Variants in ANKRD28 observed in about 807,000 individuals in gnomAD.
The protein encoded by ANKRD28 is ankyrin repeat domain 28.
Under a neutral mutation model 126.5 loss-of-function variants are expected in ANKRD28, and 44 were observed. The observed-to-expected ratio is 0.35, with a 90% CI of 0.27 to 0.45. The LOEUF is 0.45. Among genes scored for constraint, ANKRD28 ranks in the 20% least tolerant of loss-of-function variants. ANKRD28 has a pLI of 1.00. For missense variants in ANKRD28, 1,110 were observed against 1,316.6 expected (o/e 0.84, Z 2.43); for synonymous variants, 442 against 468.5 (o/e 0.94, Z 0.73).
rs1238829125 is a variant in ANKRD28, at chr3:15,817,737, G to A, written c.28-22431C>T. Among the ~76,000 whole-genome samples, 1 of 152,138 alleles carries A rather than the reference G, an allele frequency of 6.6e-6. No homozygotes were observed. Among genetic ancestry groups the A allele is most frequent in the Non-Finnish European group, 1.5e-5 (1 of 68,020 alleles). ...AGATGAGATACAAGCAAGAATGCCT[G>A]CTCTTAATCACTCTTACTTAATATC... On this transcript the variant is annotated intron_variant, in intron 1 of 27. Transcript: ENST00000399451. This position sits in a 1 kb window ranked among gnomAD's most constrained non-coding sequence, Gnocchi z 4.5.
At chr3:15,710,442 C>T (rs183524133) in intron 12 of ANKRD28, among the ~76,000 whole-genome samples, 20 of 152,228 alleles carry the variant, frequency 1.3e-4, no homozygotes, top group Non-Finnish European at 1.3e-4. Context: ...GGTTCTCTGG[C>T]GACCTTGGAA....
chr3:15,709,325 T>C (rs1575299561), intron 13 of ANKRD28, among the ~76,000 whole-genome samples: 1 of 152,178 alleles, frequency 6.6e-6, no homozygotes, highest in East Asian at 1.9e-4. Flanking sequence ...AACTGTATCA[T>C]TATTTTCTAG....
Position 15,670,173 on chromosome 3 carries a change from C to G in ANKRD28, c.*97G>C, listed in dbSNP as rs2066205074. 7.3e-7 allele frequency: 1 copy of G among 1,365,420 alleles called. No individual in the cohort carries two copies. The highest frequency in any genetic ancestry group is 1.5e-5 in the African/African-American group (1 of 68,926). The allele number at this position is 1,365,420 out of a possible 1,614,324, so 84.6% of individuals were successfully genotyped here. On this transcript the variant is annotated 3_prime_UTR_variant, in exon 28 of 28. Coordinates refer to ENST00000683139, the MANE Select transcript of ANKRD28 (RefSeq NM_001349278.2). Reference sequence around the variant, plus strand: ...ACATTGGCTCACTGTGGGATCTTTCCTCTTAGGTTGAATTTCTACGTGAAT... The same window carrying G: ...ACATTGGCTCACTGTGGGATCTTTCGTCTTAGGTTGAATTTCTACGTGAAT...
At chr3:15,677,080 T>C (rs377593632) in intron 25 of ANKRD28, 24 bp from the exon 26 acceptor site, 3 of 1,592,366 alleles carry the variant, frequency 1.9e-6, no homozygotes, top group Admixed American at 1.7e-5. Flanking sequence ...AGATAAGTTA[T>C]AAAAACTTGA....
intron 8 of ANKRD28, among the ~76,000 whole-genome samples, chr3:15,720,387 C>T (rs2124904440): frequency 1.3e-5 from 2 of 152,208 alleles, no homozygotes; most frequent in Middle Eastern, 6.8e-3. Flanking sequence ...TTCATCTATC[C>T]TTCCATCCAC....
chr3:15,846,496 G>C lies in ANKRD28; in HGVS notation c.27+12881C>G, dbSNP rs188493070. Among the ~76,000 whole-genome samples the C allele has an allele frequency of 6.6e-6, 1 of 152,330 alleles. No homozygotes were observed. Among genetic ancestry groups the C allele is most frequent in the East Asian group, 1.9e-4 (1 of 5,188 alleles). On this transcript the variant is annotated intron_variant, in intron 1 of 27. Transcript: ENST00000399451. The surrounding 1 kb of genome is among the most constrained non-coding windows in gnomAD (Gnocchi z 5.4). ...ACAAACACAATATATACAGGGTCTG[G>C]AAGTCAACAGCTGAAAGCTTACCTA...
chr3:15,806,855 T>A (rs2060593713), intron 1 of ANKRD28, among the ~76,000 whole-genome samples: 1 of 152,144 alleles, frequency 6.6e-6, no homozygotes, highest in Non-Finnish European at 1.5e-5. Flanking sequence ...TCCACCAGTG[T>A]CTACTTTCTA....
intron 12 of ANKRD28, 100 bp downstream of exon 12, chr3:15,711,111 T>G (rs919192452): frequency 5.8e-6 from 6 of 1,041,754 alleles, no homozygotes; most frequent in Non-Finnish European, 8.3e-6. Context: ...TGTTTTCTAT[T>G]TTCTGGCAGC....
chr3:15,771,516 G>A (rs554529251), intron 2 of ANKRD28, among the ~76,000 whole-genome samples: 2 of 152,186 alleles, frequency 1.3e-5, no homozygotes, highest in South Asian at 2.1e-4. Flanking sequence ...GTCACAAGGT[G>A]AAGAGAGTGA....
At chr3:15,856,053 A>G (rs539100448) in intron 1 of ANKRD28, among the ~76,000 whole-genome samples, 1 of 152,340 alleles carries the variant, frequency 6.6e-6, no homozygotes, top group Non-Finnish European at 1.5e-5. Context: ...CTAAACCAGC[A>G]GTTATAAACT....
intron 3 of ANKRD28, among the ~76,000 whole-genome samples, chr3:15,752,757 G>A (rs2057933730): frequency 6.6e-6 from 1 of 152,132 alleles, no homozygotes; most frequent in Admixed American, 6.5e-5. Context: ...AACTATAACA[G>A]AAACAAAGCT....
chr3:15,696,366 A>G (rs2069553757), intron 14 of ANKRD28, 121 bp from the exon 15 acceptor site: 1 of 598,276 alleles, frequency 1.7e-6, no homozygotes, highest in Non-Finnish European at 2.9e-6. Flanking sequence ...AAAAATCATA[A>G]ATGTATTACA....
chr3:15,774,857 G>A (rs1460697454), intron 2 of ANKRD28, among the ~76,000 whole-genome samples: 1 of 152,128 alleles, frequency 6.6e-6, no homozygotes, highest in Non-Finnish European at 1.5e-5. Flanking sequence ...AAGAAAAGTA[G>A]GCAGGAGATT....
At chr3:15,719,844 A>C (rs1020747841) in intron 8 of ANKRD28, among the ~76,000 whole-genome samples, 6 of 151,934 alleles carry the variant, frequency 3.9e-5, no homozygotes, top group Admixed American at 2.6e-4. Flanking sequence ...CGTGAGCCAG[A>C]CTGTATCCGG....
chr3:15,751,882 C>A, intron 3 of ANKRD28, 62 bp from the exon 4 acceptor site: 1 of 1,128,154 alleles, frequency 8.9e-7, no homozygotes, highest in Non-Finnish European at 1.3e-6. Flanking sequence ...AATAAATCTC[C>A]TGAAATAGTA....
intron 2 of ANKRD28, among the ~76,000 whole-genome samples, chr3:15,782,079 T>C (rs2059565382): frequency 6.6e-6 from 1 of 152,158 alleles, no homozygotes; most frequent in Non-Finnish European, 1.5e-5. Context: ...AAGTTATGCA[T>C]TTTGGCCATT....
intron 1 of ANKRD28, among the ~76,000 whole-genome samples, chr3:15,824,258 G>C (rs1270761156): frequency 6.6e-6 from 1 of 152,168 alleles, no homozygotes; most frequent in Non-Finnish European, 1.5e-5. Flanking sequence ...GGGCTCAAGC[G>C]ATCCTCCCAC....
Position 15,713,427 on chromosome 3 carries a change from G to GA in ANKRD28, c.1190+99_1190+100insT, listed in dbSNP as rs1250538768. On this transcript the variant is annotated intron_variant, in intron 10 of 27. Transcript: ENST00000683139. ...GTTCAAGCAATTAATACAACATTGA[G>GA]GATAAAATCCACATTTCCACGTGAA... 3 of 865,192 alleles carry GA rather than the reference G, an allele frequency of 3.5e-6. No homozygotes were observed. In the African/African-American group the frequency reaches 5.3e-5, roughly 15 times the overall value. 53.6% of individuals were successfully genotyped at this position (865,192 alleles called of 1,614,324 possible). A position where few individuals can be genotyped will look rare whatever the true frequency, so the allele number is the denominator to read the frequency against.
intron 1 of ANKRD28, chr3:15,859,299 A>G (rs2061852653): frequency 1.3e-5 from 19 of 1,500,684 alleles, no homozygotes; most frequent in Non-Finnish European, 1.7e-5. Flanking sequence ...CGGGCGTCCC[A>G]GCGGCCCACA....
Sources: gnomAD v4.1 joint callset for allele counts (sites outside exome capture counted in the v4.1 genomes callset) on GRCh38, gnomAD v4.1.1 for gene constraint, Gnocchi (gnomAD v3.1) non-coding constraint, MANE v1.5 for transcripts, NCBI Gene and HGNC (gene_info 2026-07-23, HGNC 2026-07-21) for gene names.